Variants in ZNF521 observed in about 807,000 individuals in gnomAD.
ZNF521 encodes zinc finger protein 521.
Under a neutral mutation model 105.5 loss-of-function variants are expected in ZNF521, and 14 were observed. That is an observed-to-expected ratio of 0.13 (90% CI 0.09 to 0.21). ZNF521 has a LOEUF of 0.21. Ranked by LOEUF, ZNF521 falls within the 10% of genes least tolerant of loss-of-function variation. The pLI, the probability that ZNF521 is intolerant of heterozygous loss-of-function variation, is 1.00. For synonymous variants in ZNF521, 635 were observed against 606.0 expected (o/e 1.05, Z -0.70); for missense variants, 1,233 against 1,629.7 (o/e 0.76, Z 4.19).
chr18:25,209,853 T>C (rs1159824431), intron 4 of ZNF521, among the ~76,000 whole-genome samples: 1 of 152,202 alleles, frequency 6.6e-6, no homozygotes, highest in East Asian at 1.9e-4. Flanking sequence ...TCAAATAAAG[T>C]AACATTTTAT....
intron 3 of ZNF521, among the ~76,000 whole-genome samples, chr18:25,244,652 C>T (rs981695121): frequency 4.6e-5 from 7 of 152,192 alleles, no homozygotes; most frequent in Admixed American, 1.3e-4. Context: ...GTTGTTCCAG[C>T]GGTCTCTAAC....
At chr18:25,086,089 G>A (rs1247076665) in intron 7 of ZNF521, among the ~76,000 whole-genome samples, 3 of 152,074 alleles carry the variant, frequency 2.0e-5, no homozygotes, top group Non-Finnish European at 4.4e-5. Context: ...ATGAGTTCAA[G>A]TGGTTTAAAA....
chr18:25,299,796 C>A (rs1015991757), intron 3 of ZNF521, among the ~76,000 whole-genome samples: 3 of 152,112 alleles, frequency 2.0e-5, no homozygotes, highest in Non-Finnish European at 4.4e-5. Flanking sequence ...CACTTAAAAG[C>A]ATAAGATCAA....
chr18:25,222,684 G>A (rs940443840), intron 4 of ZNF521, among the ~76,000 whole-genome samples: 2 of 152,140 alleles, frequency 1.3e-5, no homozygotes, highest in African/African-American at 2.4e-5. Flanking sequence ...AAGGAGAAGA[G>A]TAATTTTCTG....
At position 25,322,159 on chromosome 18, in the gene ZNF521, A is replaced by C; in HGVS notation, c.69T>G (p.Thr23=). 6.2e-7 allele frequency: 1 copy of C among 1,614,142 alleles called. No individual in the cohort carries two copies. Among genetic ancestry groups the C allele is most frequent in the East Asian group, 2.2e-5 (1 of 44,880 alleles). Reference sequence around the variant, plus strand: ...TACAATCTAGTGCCTCTCCATCTTCAGTCTTGTCTTCAAGTTTACAGTTGG... The same window carrying C: ...TACAATCTAGTGCCTCTCCATCTTCCGTCTTGTCTTCAAGTTTACAGTTGG... ...KDPNCKLEDK[T]EDGEALDCKK... Residue 23 remains threonine (T), a synonymous_variant, in exon 3 of 8, where the codon ACT becomes ACG. Transcript: ENST00000361524.
chr18:25,315,787 C>A (rs1301765657), intron 3 of ZNF521: 1 of 152,106 alleles, frequency 6.6e-6, no homozygotes, highest in Non-Finnish European at 1.5e-5. Flanking sequence ...ATGTGCGTCA[C>A]CCTTGGGGAT....
chr18:25,140,092 G>A (rs538740839), intron 5 of ZNF521, among the ~76,000 whole-genome samples: 8 of 152,228 alleles, frequency 5.3e-5, no homozygotes, highest in East Asian at 1.9e-4. Flanking sequence ...ATATAGCAGC[G>A]CAAATGGACA....
intron 3 of ZNF521, among the ~76,000 whole-genome samples, chr18:25,298,144 ACAGAC>A (rs1911430012): frequency 6.6e-6 from 1 of 152,230 alleles, no homozygotes; most frequent in Non-Finnish European, 1.5e-5. Context: ...GTCAGAGAGC[ACAGAC>A]TAGTCTTCAG....
At chr18:25,198,222 T>G (rs1158881894) in intron 4 of ZNF521, among the ~76,000 whole-genome samples, 5 of 151,918 alleles carry the variant, frequency 3.3e-5, no homozygotes, top group Admixed American at 3.3e-4. Flanking sequence ...TAGATGTAAT[T>G]ATCAAGGATA....
At chr18:25,123,064 A>G (rs1026907034) in intron 5 of ZNF521, among the ~76,000 whole-genome samples, 1 of 151,952 alleles carries the variant, frequency 6.6e-6, no homozygotes, top group African/African-American at 2.4e-5. Context: ...AAAAATATAA[A>G]CTAGACATTC....
chr18:25,194,578 C>A (rs893567805), intron 5 of ZNF521, among the ~76,000 whole-genome samples: 1 of 151,684 alleles, frequency 6.6e-6, no homozygotes, highest in Non-Finnish European at 1.5e-5. Context: ...TTTCCCCAAA[C>A]TACTTTTATT....
intron 3 of ZNF521, among the ~76,000 whole-genome samples, chr18:25,292,483 T>A (rs939459986): frequency 6.6e-6 from 1 of 152,156 alleles, no homozygotes; most frequent in African/African-American, 2.4e-5. Context: ...CCAGAGCTTT[T>A]TTGTAACATC....
intron 3 of ZNF521, among the ~76,000 whole-genome samples, chr18:25,271,736 T>A (rs1909675091): frequency 6.6e-6 from 1 of 152,116 alleles, no homozygotes; most frequent in Admixed American, 6.6e-5. Flanking sequence ...TGAAACTGGA[T>A]CCCTGCCTTA....
At chr18:25,325,680 C>T (rs1231508789) in intron 2 of ZNF521, among the ~76,000 whole-genome samples, 1 of 152,196 alleles carries the variant, frequency 6.6e-6, no homozygotes, top group Non-Finnish European at 1.5e-5. Flanking sequence ...ATGATCTCAC[C>T]TCCTCAACCA....
At chr18:25,156,551 T>A (rs2035148824) in intron 5 of ZNF521, among the ~76,000 whole-genome samples, 1 of 152,222 alleles carries the variant, frequency 6.6e-6, no homozygotes, top group Non-Finnish European at 1.5e-5. Context: ...CCTGGTTTAA[T>A]CCATTGAAAT....
chr18:25,089,316 AG>A, intron 7 of ZNF521, 148 bp downstream of exon 7: 1 of 622,748 alleles, frequency 1.6e-6, no homozygotes, highest in Admixed American at 3.0e-5. Flanking sequence ...CTATTAATCC[AG>A]GCTCTAATTT....
Position 25,226,781 on chromosome 18 carries a change from C to T in ZNF521, c.1137G>A (p.Lys379=). 3.1e-6 allele frequency: 5 copies of T among 1,614,122 alleles called. No homozygotes were observed. Among genetic ancestry groups the T allele is most frequent in the East Asian group, 2.2e-5 (1 of 44,860 alleles). ...GAGCGGCCCTCTTCCTCCCTCGACT[C>T]TTTGGGATTGGCGGGGCAGCTTCCA... is the stretch of plus-strand genomic sequence containing the variant. ...TMVEAAPPIP[K]SRGRKRAAQQ... The change falls in exon 4 of 8, where the codon AAG becomes AAA. Residue 379 remains lysine (K), a synonymous_variant. Transcript: ENST00000361524. The surrounding 1 kb of genome is among the most constrained non-coding windows in gnomAD (Gnocchi z 4.1).
intron 3 of ZNF521, among the ~76,000 whole-genome samples, chr18:25,285,681 T>TTCTC (rs367897394): frequency 1.2e-3 from 174 of 146,726 alleles, no homozygotes; most frequent in African/African-American, 3.3e-3. Context: ...GTAGTTGCAC[T>TTCTC]TCTCTCTCTC....
chr18:25,218,479 T>A, intron 4 of ZNF521, among the ~76,000 whole-genome samples: 1 of 92,822 alleles, frequency 1.1e-5, no homozygotes, highest in African/African-American at 4.4e-5. Flanking sequence ...ACCTCGAGCC[T>A]ACTAAAAAAA....
Sources: allele counts gnomAD v4.1 joint callset (sites outside exome capture counted in the v4.1 genomes callset), GRCh38; gene constraint gnomAD v4.1.1; non-coding constraint Gnocchi (gnomAD v3.1); transcripts MANE v1.5; gene names NCBI Gene and HGNC (gene_info 2026-07-23, HGNC 2026-07-21).